SLC22A9: variants seen among roughly 807,000 people sequenced by gnomAD.
SLC22A9 encodes the protein solute carrier family 22 member 9.
Under a neutral mutation model 50.1 loss-of-function variants are expected in SLC22A9, and 64 were observed. The observed-to-expected ratio is 1.28, with a 90% confidence interval of 1.04 to 1.57. SLC22A9 has a LOEUF of 1.57. Among genes scored for constraint, SLC22A9 ranks in the 40% most tolerant of loss-of-function variants. The pLI is 0.00. For synonymous variants in SLC22A9, 261 were observed against 242.5 expected (o/e 1.08, Z -0.71); for missense variants, 757 against 676.1 (o/e 1.12, Z -1.33).
At chr11:63,374,543 T>C (rs561311322) in intron 4 of SLC22A9, among the ~76,000 whole-genome samples, 149 of 152,296 alleles carry the variant, frequency 9.8e-4, no homozygotes, top group African/African-American at 3.6e-3. Flanking sequence ...GTGTTTTCAT[T>C]TGCTAAAACC....
chr11:63,406,770 T>C, intron 7 of SLC22A9, 59 bp downstream of exon 7: 1 of 1,546,552 alleles, frequency 6.5e-7, no homozygotes, highest in Non-Finnish European at 8.8e-7. Flanking sequence ...TCAGGGATTG[T>C]ACTTGTCACA....
chr11:63,406,505 A>T lies in SLC22A9; in HGVS notation c.1082A>T (p.Asn361Ile). The stretch of plus-strand genomic sequence containing the variant: ...CTTTTTAATCATCACAGATTTGCAA[A>T]CTTTATGGCCTATTTTGGCCTTAAT... The part of the protein sequence containing the change: ...ISLLSFTRFA[N>I]FMAYFGLNLH... Residue 361 changes from asparagine (N) to isoleucine (I), a missense_variant, in exon 7 of 10, where the codon AAC (asparagine) becomes ATC (isoleucine). Asn to Ile is a moderately radical substitution (Grantham distance 149). Transcript: ENST00000279178. 6.2e-7 allele frequency: 1 copy of T among 1,613,498 alleles called. No individual in the cohort carries two copies.
chr11:63,383,866 T>C (rs985406136), intron 6 of SLC22A9, among the ~76,000 whole-genome samples: 4 of 151,982 alleles, frequency 2.6e-5, no homozygotes, highest in African/African-American at 7.3e-5. Flanking sequence ...CTGGCCAACA[T>C]AGTGAAACCC....
intron 6 of SLC22A9, among the ~76,000 whole-genome samples, chr11:63,385,079 A>G (rs1371058331): frequency 7.6e-6 from 1 of 131,216 alleles, no homozygotes; most frequent in African/African-American, 2.8e-5. Flanking sequence ...CCCACTCTGT[A>G]GCTTGCCTGT....
chr11:63,407,342 G>A (rs1215675154), intron 7 of SLC22A9, among the ~76,000 whole-genome samples: 2 of 152,116 alleles, frequency 1.3e-5, no homozygotes, highest in Non-Finnish European at 2.9e-5. Context: ...TAATAAGTAA[G>A]GGAACCCAGG....
intron 6 of SLC22A9, among the ~76,000 whole-genome samples, chr11:63,395,044 A>G (rs777863450): frequency 3.9e-5 from 6 of 151,920 alleles, no homozygotes; most frequent in Non-Finnish European, 7.4e-5. Context: ...GAGGCTTTCC[A>G]GAGCATTTTG....
chr11:63,377,121 G>A (rs2014474315), intron 5 of SLC22A9, among the ~76,000 whole-genome samples: 1 of 151,950 alleles, frequency 6.6e-6, no homozygotes, highest in Non-Finnish European at 1.5e-5. Flanking sequence ...CACCCCACTG[G>A]CAGTGTTAGA....
chr11:63,370,339 C>T lies in SLC22A9; in HGVS notation c.283C>T (p.Gln95Ter). 3 of 1,614,020 alleles carry T rather than the reference C, an allele frequency of 1.9e-6. No homozygotes were observed. The highest frequency in any genetic ancestry group is 2.5e-6 in the Non-Finnish European group (3 of 1,179,908). The change falls in exon 1 of 10, where the codon CAG becomes TAG. Residue 95 changes from glutamine (Q) to a stop codon, truncating the protein, a stop_gained. Transcript: ENST00000279178. LOFTEE classifies it high-confidence loss of function. ...PEKCRRFVHP[Q>*]WQLLHLNGTF... The stretch of plus-strand genomic sequence containing the variant: ...GAAGTGTCGTCGCTTTGTTCATCCT[C>T]AGTGGCAGCTCCTTCACCTGAATGG...
At chr11:63,388,688 A>T (rs1215290863) in intron 6 of SLC22A9, among the ~76,000 whole-genome samples, 1 of 151,558 alleles carries the variant, frequency 6.6e-6, no homozygotes, top group Non-Finnish European at 1.5e-5. Flanking sequence ...TTAGCCTCAT[A>T]GAATGAGTTT....
chr11:63,409,826 G>A lies in SLC22A9; in HGVS notation c.1626G>A (p.Lys542=), dbSNP rs751025444. 3.1e-6 allele frequency: 5 copies of A among 1,613,684 alleles called. No individual in the cohort carries two copies. The South Asian group carries it at 4.4e-5, about 14-fold the overall frequency. ...GGAGAAAAGACCCCAGAGAACCAAA[G>A]CAAGAGGATCCGAGAGTGGAAGTGA... ...KNERKDPREP[K]QEDPRVEVTQ... Residue 542 remains lysine (K), a synonymous_variant, in exon 10 of 10, where the codon AAG becomes AAA. Transcript: ENST00000279178.
intron 6 of SLC22A9, among the ~76,000 whole-genome samples, chr11:63,388,732 A>G (rs1053063016): frequency 2.7e-5 from 4 of 150,112 alleles, no homozygotes; most frequent in Non-Finnish European, 4.4e-5. Context: ...TTTTTTTTTG[A>G]ATAATATGAT....
chr11:63,403,841 A>C (rs138062534), intron 6 of SLC22A9, among the ~76,000 whole-genome samples: 3,438 of 152,110 alleles, frequency 0.023, 45 homozygotes, highest in Non-Finnish European at 0.024. Context: ...ATCAATCAAT[A>C]AATAAACAAG....
chr11:63,373,901 G>C lies in SLC22A9; in HGVS notation c.669G>C (p.Glu223Asp), dbSNP rs752302961. 1 of 1,612,954 alleles carries C rather than the reference G, an allele frequency of 6.2e-7. No homozygotes were observed. Among genetic ancestry groups the C allele is most frequent in the South Asian group, 1.1e-5 (1 of 90,866 alleles). ...LITNTIMLIA[E>D]WATHRFQAMG... ...ATCTGTTTTTTCTTCCAGTAGCCGA[G>C]TGGGCAACACACAGATTCCAGGCCA... Residue 223 changes from glutamate to aspartate, a missense_variant, in exon 4 of 10, where the codon GAG (glutamate) becomes GAC (aspartate). By Grantham distance (45) the Glu-to-Asp change is conservative. Coordinates refer to ENST00000279178, the MANE Select transcript of SLC22A9 (RefSeq NM_080866.3).
chr11:63,381,622 G>T (rs1328096425), intron 5 of SLC22A9, among the ~76,000 whole-genome samples: 1 of 152,086 alleles, frequency 6.6e-6, no homozygotes, highest in Non-Finnish European at 1.5e-5. Flanking sequence ...TCTTTTGAGA[G>T]TTATTCCTCA....
In SLC22A9 at chr11:63,377,592, A is replaced by G. The variant is rs530216823; in HGVS notation, c.954+1824A>G. Among the ~76,000 whole-genome samples the G allele has an allele frequency of 1.6e-4, 24 of 152,290 alleles. No individual in the cohort carries two copies. In the South Asian group the frequency reaches 5.0e-3, roughly 32 times the overall value. ...GAAACTTATAGCACTAAATCCCCACATCACAAAGTTTGAGAGATCTCAAAT... is the reference window on the plus strand; with the variant it reads ...GAAACTTATAGCACTAAATCCCCACGTCACAAAGTTTGAGAGATCTCAAAT... On this transcript the variant is annotated intron_variant, in intron 5 of 9. Coordinates refer to ENST00000279178, the MANE Select transcript of SLC22A9 (RefSeq NM_080866.3).
Position 63,369,889 on chromosome 11 carries a change from C to A in SLC22A9, c.-168C>A. 1 of 621,858 alleles carries A rather than the reference C, an allele frequency of 1.6e-6. No individual in the cohort carries two copies. The highest frequency in any genetic ancestry group is 2.9e-5 in the South Asian group (1 of 34,504). 38.5% of individuals were successfully genotyped at this position (621,858 alleles called of 1,614,324 possible). ...CTGACCCCAAAACGACTTGAGGAAACTGTTTCCACGGTCCTGCTGCAGAGG... is the reference window on the plus strand; with the variant it reads ...CTGACCCCAAAACGACTTGAGGAAAATGTTTCCACGGTCCTGCTGCAGAGG... On this transcript the variant is annotated 5_prime_UTR_variant, in exon 1 of 10. It adds an upstream start codon to the 5' untranslated region. Coordinates refer to ENST00000279178, the MANE Select transcript of SLC22A9 (RefSeq NM_080866.3).
chr11:63,405,516 T>C (rs892507094), intron 6 of SLC22A9, among the ~76,000 whole-genome samples: 2 of 152,134 alleles, frequency 1.3e-5, no homozygotes, highest in African/African-American at 4.8e-5. Flanking sequence ...AACAAAACCA[T>C]CACGAGGTTA....
At chr11:63,371,359 C>G in intron 2 of SLC22A9, 121 bp downstream of exon 2, 2 of 741,694 alleles carry the variant, frequency 2.7e-6, no homozygotes, top group Non-Finnish European at 4.2e-6. Flanking sequence ...GATCCCCAAA[C>G]AGAAAAGGAA....
chr11:63,379,270 A>G (rs1182519188), intron 5 of SLC22A9, among the ~76,000 whole-genome samples: 3 of 152,190 alleles, frequency 2.0e-5, no homozygotes, highest in Non-Finnish European at 4.4e-5. Flanking sequence ...GCAATGGGGA[A>G]AGGATTCCCT....
Sources: gnomAD v4.1 joint callset for allele counts (sites outside exome capture counted in the v4.1 genomes callset) on GRCh38, gnomAD v4.1.1 for gene constraint, MANE v1.5 for transcripts, NCBI Gene and HGNC (gene_info 2026-07-23, HGNC 2026-07-21) for gene names.